DESI2: variants seen among roughly 807,000 people sequenced by gnomAD.
DESI2 encodes desumoylating isopeptidase 2.
DESI2 carries 10 observed loss-of-function variants against 24.1 expected under a neutral mutation model. That is an observed-to-expected ratio of 0.41 (90% CI 0.26 to 0.70). The LOEUF is 0.70. Among genes scored for constraint, DESI2 ranks in the 30% least tolerant of loss-of-function variants. The pLI is 0.29. For missense variants in DESI2, 122 were observed against 234.9 expected (o/e 0.52, Z 3.14); for synonymous variants, 71 against 87.7 (o/e 0.81, Z 1.06).
At chr1:244,674,180 G>A (rs904677536) in intron 1 of DESI2, among the ~76,000 whole-genome samples, 5 of 151,780 alleles carry the variant, frequency 3.3e-5, no homozygotes, top group African/African-American at 1.2e-4. Context: ...TGTAATTTTT[G>A]TAGAAACGGG....
At chr1:244,680,050 A>G (rs1676555745) in intron 1 of DESI2, among the ~76,000 whole-genome samples, 1 of 139,386 alleles carries the variant, frequency 7.2e-6, no homozygotes, top group African/African-American at 2.7e-5. Context: ...CAAAAAATCT[A>G]GGATCCAGTC....
intron 1 of DESI2, among the ~76,000 whole-genome samples, chr1:244,658,666 TA>T (rs11353320): frequency 0.8 from 122,070 of 152,024 alleles, 49,218 homozygotes; most frequent in South Asian, 0.87. Flanking sequence ...GAGTTGCCAG[TA>T]ACTTAAATGG....
chr1:244,695,645 C>T (rs924653448), intron 4 of DESI2, among the ~76,000 whole-genome samples: 20 of 152,194 alleles, frequency 1.3e-4, no homozygotes, highest in African/African-American at 4.8e-4. Flanking sequence ...AGGAGCAAAA[C>T]TCCATCTGAA....
At chr1:244,654,416 C>T (rs550544691) in intron 1 of DESI2, among the ~76,000 whole-genome samples, 18 of 152,290 alleles carry the variant, frequency 1.2e-4, no homozygotes, top group African/African-American at 4.3e-4. Context: ...TTTGTATTCC[C>T]TTGTATTATT....
chr1:244,662,711 G>A (rs757150210), intron 1 of DESI2, among the ~76,000 whole-genome samples: 24 of 152,048 alleles, frequency 1.6e-4, no homozygotes, highest in South Asian at 4.1e-4. Flanking sequence ...TATAGTTACC[G>A]GTTACTGCAG....
chr1:244,707,156 TATAAA>T lies in DESI2; in HGVS notation c.*1371_*1375del, dbSNP rs1677739124. 1 of 152,636 alleles carries T rather than the reference TATAAA, an allele frequency of 6.6e-6. No homozygotes were observed. Among genetic ancestry groups the T allele is most frequent in the Non-Finnish European group, 1.5e-5 (1 of 68,036 alleles). The allele number at this position is 152,636 out of a possible 1,614,324, so 9.5% of individuals were successfully genotyped here. Reference sequence around the variant, plus strand: ...GGCAGTGACTTCAGCTTTATATACATATAAAATATAGTTAGTTTTAAAATTATTGA... The same window carrying T: ...GGCAGTGACTTCAGCTTTATATACATATATAGTTAGTTTTAAAATTATTGA... On this transcript the variant is annotated 3_prime_UTR_variant, in exon 5 of 5. Coordinates refer to ENST00000302550, the MANE Select transcript of DESI2 (RefSeq NM_016076.5).
chr1:244,694,175 T>C (rs745627619), intron 4 of DESI2, among the ~76,000 whole-genome samples: 1 of 152,248 alleles, frequency 6.6e-6, no homozygotes, highest in Non-Finnish European at 1.5e-5. Flanking sequence ...CGTAATGTTA[T>C]CAGTTCCGAT....
At chr1:244,691,662 G>T (rs1289731242) in intron 3 of DESI2, among the ~76,000 whole-genome samples, 1 of 152,148 alleles carries the variant, frequency 6.6e-6, no homozygotes, top group African/African-American at 2.4e-5. Context: ...GTATTCATAG[G>T]TAATATACTT....
At chr1:244,659,064 A>G (rs190601679) in intron 1 of DESI2, among the ~76,000 whole-genome samples, 2 of 149,734 alleles carry the variant, frequency 1.3e-5, no homozygotes, top group Admixed American at 1.3e-4. Context: ...TAAGGAATTT[A>G]CCTTAATTTA....
chr1:244,667,822 A>G (rs1676098730), intron 1 of DESI2, among the ~76,000 whole-genome samples: 1 of 152,222 alleles, frequency 6.6e-6, no homozygotes, highest in African/African-American at 2.4e-5. Context: ...GATAGCAGAG[A>G]GAAGCAGGCC....
At chr1:244,701,305 G>A (rs1677453204) in intron 4 of DESI2, among the ~76,000 whole-genome samples, 1 of 143,850 alleles carries the variant, frequency 7.0e-6, no homozygotes, top group Non-Finnish European at 1.5e-5. Context: ...CAGAAACCAA[G>A]AATGGAGATG....
At chr1:244,677,673 T>C (rs1305678521) in intron 1 of DESI2, among the ~76,000 whole-genome samples, 1 of 152,088 alleles carries the variant, frequency 6.6e-6, no homozygotes, top group Non-Finnish European at 1.5e-5. Flanking sequence ...CCAGCACTTG[T>C]GGAGGCCAAG....
chr1:244,688,016 TA>T (rs1245731861), intron 2 of DESI2, among the ~76,000 whole-genome samples: 30 of 152,350 alleles, frequency 2.0e-4, no homozygotes, highest in African/African-American at 7.2e-4. Context: ...ATCATGCTAA[TA>T]ATTAACTCAA....
At chr1:244,672,791 C>T (rs985386094) in intron 1 of DESI2, among the ~76,000 whole-genome samples, 11 of 152,034 alleles carry the variant, frequency 7.2e-5, no homozygotes, top group Non-Finnish European at 1.5e-4. Flanking sequence ...ACAGGAGAAT[C>T]GCTTGAACTC....
rs146750183 is a variant in DESI2 at position 244,699,311 on chromosome 1, C to T, written c.352-6245C>T. Among the ~76,000 whole-genome samples the T allele has an allele frequency of 6.2e-3, 936 of 152,062 alleles. 8 individuals are homozygous for T. Among genetic ancestry groups the T allele is most frequent in the African/African-American group, 0.021 (874 of 41,474 alleles). On this transcript the variant is annotated intron_variant, in intron 4 of 4. Transcript: ENST00000302550. ...TATAAAAATATTTTCTGGCCAGGTG[C>T]GGTGGCTCATGCCTGTAATCCCAAC... is the stretch of plus-strand genomic sequence containing the variant.
chr1:244,672,492 C>T (rs1288755618), intron 1 of DESI2, among the ~76,000 whole-genome samples: 1 of 152,130 alleles, frequency 6.6e-6, no homozygotes, highest in East Asian at 1.9e-4. Flanking sequence ...TTATAAATTA[C>T]CCAGTCTCAG....
intron 1 of DESI2, among the ~76,000 whole-genome samples, chr1:244,654,297 C>T (rs1675572848): frequency 3.3e-5 from 5 of 152,158 alleles, no homozygotes; most frequent in Non-Finnish European, 4.4e-5. Context: ...GCTTAAAATT[C>T]CTTGTAAGTT....
chr1:244,706,831 G>C lies in DESI2; in HGVS notation c.*1042G>C, dbSNP rs183216429. On this transcript the variant is annotated 3_prime_UTR_variant, in exon 5 of 5. Transcript: ENST00000302550. ...AAGAGTATGTTGGCGTTTGTCATGGGACTCATTTCACATAATAGAATGCCT... is the reference window on the plus strand; with the variant it reads ...AAGAGTATGTTGGCGTTTGTCATGGCACTCATTTCACATAATAGAATGCCT... The C allele has an allele frequency of 6.6e-6, 1 of 152,580 alleles. No homozygotes were observed. Among genetic ancestry groups the C allele is most frequent in the Non-Finnish European group, 1.5e-5 (1 of 68,024 alleles). 9.5% of individuals were successfully genotyped at this position (152,580 alleles called of 1,614,324 possible). A position where few individuals can be genotyped will look rare whatever the true frequency, so the allele number is the denominator to read the frequency against.
In DESI2 at chr1:244,672,843, C is replaced by G. The variant is rs535853937; in HGVS notation, c.43-13754C>G. On this transcript the variant is annotated intron_variant, in intron 1 of 4. Coordinates refer to ENST00000302550, the MANE Select transcript of DESI2 (RefSeq NM_016076.5). ...AGTGAGCCAAGATCGCCCCATTGCA[C>G]TCCAGCCTGGGTGACAGCGAGACTC... Among the ~76,000 whole-genome samples, 5 of 151,912 alleles carry G rather than the reference C, an allele frequency of 3.3e-5. No homozygotes were observed. The East Asian group carries it at 5.8e-4, about 18-fold the overall frequency.
Sources: allele counts gnomAD v4.1 joint callset (sites outside exome capture counted in the v4.1 genomes callset), GRCh38; gene constraint gnomAD v4.1.1; transcripts MANE v1.5; gene names NCBI Gene and HGNC (gene_info 2026-07-23, HGNC 2026-07-21).